Variants in PSG3 observed in about 807,000 individuals in gnomAD.
PSG3 encodes pregnancy specific beta-1-glycoprotein 3, also known as pregnancy-specific beta-1-glycoprotein 3.
PSG3 carries 61 observed loss-of-function variants against 47.5 expected under a neutral mutation model. That is an observed-to-expected ratio of 1.28 (90% CI 1.05 to 1.59). PSG3 has a LOEUF of 1.59. Among genes scored for constraint, PSG3 ranks in the 40% most tolerant of loss-of-function variants. The pLI is 0.00. For synonymous variants in PSG3, 263 were observed against 198.4 expected (o/e 1.33, Z -2.74); for missense variants, 756 against 524.0 (o/e 1.44, Z -4.32).
rs1969336886 is a variant in PSG3 at position 42,724,041 on chromosome 19, A to C, written c.1244-16T>G. ...CCTGAAGGAGCTGTCATGGAAAAAA[A>C]AGAAAAGAAGGAATGAAGATGATGT... On this transcript the variant is annotated splice_polypyrimidine_tract_variant and intron_variant, in intron 5 of 6. Transcript: ENST00000327495. 1 of 1,606,478 alleles carries C rather than the reference A, an allele frequency of 6.2e-7. No individual in the cohort carries two copies. The highest frequency in any genetic ancestry group is 1.1e-5 in the South Asian group (1 of 90,896).
In PSG3 at chr19:42,736,582, T is replaced by C. The variant is rs375056800; in HGVS notation, c.430+2142A>G. 1.1e-4 allele frequency among the ~76,000 whole-genome samples: 17 copies of C among 151,404 alleles called. No homozygotes were observed. The South Asian group carries it at 1.9e-3, about 17-fold the overall frequency. Reference sequence around the variant, plus strand: ...GCAGACTTGGAGTCATTAAAATCTTTCTTTACTACAAACCACCATTTCAAT... The same window carrying C: ...GCAGACTTGGAGTCATTAAAATCTTCCTTTACTACAAACCACCATTTCAAT... On this transcript the variant is annotated intron_variant, in intron 2 of 6. Transcript: ENST00000327495.
chr19:42,722,132 T>C (rs1969308909), intron 6 of PSG3, 42 bp from the exon 7 acceptor site: 2 of 408,128 alleles, frequency 4.9e-6, no homozygotes, highest in African/African-American at 4.1e-5. Flanking sequence ...GTTAAAAATC[T>C]AATGAGAATT....
At chr19:42,734,725 C>T (rs1004774269) in intron 2 of PSG3, among the ~76,000 whole-genome samples, 4 of 152,070 alleles carry the variant, frequency 2.6e-5, no homozygotes, top group Non-Finnish European at 5.9e-5. Flanking sequence ...GAGAGAGTCC[C>T]GTTAAAAGGA....
rs188632497 is a variant in PSG3, at chr19:42,725,237, C to A, written c.1244-1212G>T. 2.6e-5 allele frequency among the ~76,000 whole-genome samples: 4 copies of A among 152,244 alleles called. No homozygotes were observed. The East Asian group carries it at 7.7e-4, about 29-fold the overall frequency. On this transcript the variant is annotated intron_variant, in intron 5 of 6. Coordinates refer to ENST00000327495, the MANE Select transcript of PSG3 (RefSeq NM_021016.4). ...AAGAAAGCACTCTTATTGCAGTTTT[C>A]AGGTGAGGTATCAGAGGTTCAGAGA...
Position 42,729,161 on chromosome 19 carries a change from C to T in PSG3, c.1205G>A (p.Gly402Asp). Residue 402 changes from glycine (G) to aspartate (D), a missense_variant, in exon 5 of 7, where the codon GGC becomes GAC. Coordinates refer to ENST00000327495, the MANE Select transcript of PSG3 (RefSeq NM_021016.4). ...YACSVRNSAT[G>D]MESSKSMTVK... ...TGTCATGGATTTGGAGCTTTCCATG[C>T]CAGTGGCTGAGTTACGAACAGAGCA... The T allele has an allele frequency of 2.5e-6, 4 of 1,613,972 alleles. No homozygotes were observed. The highest frequency in any genetic ancestry group is 2.5e-6 in the Non-Finnish European group (3 of 1,179,868).
At chr19:42,733,161 C>A (rs1424952510) in intron 2 of PSG3, 99 bp from the exon 3 acceptor site, 8 of 1,531,742 alleles carry the variant, frequency 5.2e-6, no homozygotes, top group African/African-American at 1.4e-5. Context: ...TCTCAGCCCA[C>A]CCAAGTCCTT....
intron 5 of PSG3, among the ~76,000 whole-genome samples, chr19:42,728,342 T>C (rs374135223): frequency 2.5e-4 from 38 of 152,334 alleles, no homozygotes; most frequent in East Asian, 1.5e-3. Flanking sequence ...TGCAGAGCCC[T>C]AGGGGTGAAT....
At position 42,730,032 on chromosome 19, in the gene PSG3, G is replaced by A. The variant is rs967933732; in HGVS notation, c.734C>T (p.Thr245Ile). The A allele has an allele frequency of 1.2e-6, 2 of 1,612,522 alleles. No individual in the cohort carries two copies. Among genetic ancestry groups the A allele is most frequent in the African/African-American group, 2.7e-5 (2 of 74,866 alleles). Residue 245 changes from threonine to isoleucine, a missense_variant, in exon 4 of 7, where the codon ACC becomes ATC. Physicochemically the swap from Thr to Ile is moderately conservative, Grantham distance 89. Coordinates refer to ENST00000327495, the MANE Select transcript of PSG3 (RefSeq NM_021016.4). ...CTCCCTGGGGTTTAAGTTGTTGATG[G>A]TGATGTAGGGCTTGGGCAGCTTCGC... ...LLPKLPKPYI[T>I]INNLNPRENK...
intron 2 of PSG3, among the ~76,000 whole-genome samples, chr19:42,735,024 C>A (rs1969539718): frequency 6.6e-6 from 1 of 152,206 alleles, no homozygotes; most frequent in Non-Finnish European, 1.5e-5. Flanking sequence ...ATGAAAACGG[C>A]ATCATCATGA....
intron 2 of PSG3, among the ~76,000 whole-genome samples, chr19:42,734,466 T>G (rs755127286): frequency 2.0e-4 from 31 of 152,260 alleles, no homozygotes; most frequent in African/African-American, 4.8e-4. Context: ...CCCATAAAAA[T>G]TTGTCAGGAG....
intron 5 of PSG3, among the ~76,000 whole-genome samples, chr19:42,724,925 G>A (rs1969352465): frequency 6.6e-6 from 1 of 151,918 alleles, no homozygotes; most frequent in Admixed American, 6.6e-5. Context: ...CACTTCCTAT[G>A]TGCCAGGCCC....
Position 42,732,942 on chromosome 19 carries a change from C to A in PSG3, c.551G>T (p.Gly184Val), listed in dbSNP as rs1234968129. 1.2e-6 allele frequency: 2 copies of A among 1,614,104 alleles called. No homozygotes were observed. The highest frequency in any genetic ancestry group is 2.2e-5 in the South Asian group (2 of 91,064). ...GCTGTGAGTCATAGGGAGGCTCTGACCATTCATCCACCACAGGTAGCTTGC... is the reference window on the plus strand; with the variant it reads ...GCTGTGAGTCATAGGGAGGCTCTGAACATTCATCCACCACAGGTAGCTTGC... ...PDASYLWWMN[G>V]QSLPMTHSLQ... Residue 184 changes from glycine (G) to valine (V), a missense_variant, in exon 3 of 7, where the codon GGT becomes GTT. Physicochemically the swap from Gly to Val is moderately radical, Grantham distance 109. Coordinates refer to ENST00000327495, the MANE Select transcript of PSG3 (RefSeq NM_021016.4).
At chr19:42,722,251 T>TA (rs750438534) in intron 6 of PSG3, among the ~76,000 whole-genome samples, 161 bp from the exon 7 acceptor site, 44 of 152,192 alleles carry the variant, frequency 2.9e-4, no homozygotes, top group Admixed American at 1.3e-4. Context: ...GAATACTCAT[T>TA]AAAAAAATTT....
intron 2 of PSG3, among the ~76,000 whole-genome samples, chr19:42,734,492 C>T (rs1969529107): frequency 6.6e-6 from 1 of 152,146 alleles, no homozygotes; most frequent in Admixed American, 6.5e-5. Context: ...ACCTTATGTT[C>T]TGACTCTAGT....
At chr19:42,735,544 T>A (rs915716297) in intron 2 of PSG3, among the ~76,000 whole-genome samples, 2 of 152,074 alleles carry the variant, frequency 1.3e-5, no homozygotes, top group Non-Finnish European at 2.9e-5. Context: ...TTTTTTGTAT[T>A]TTTAGTAGAG....
rs749819900 is a variant in PSG3 at position 42,721,882 on chromosome 19, G to A, written c.*249C>T. 5.8e-5 allele frequency: 24 copies of A among 414,742 alleles called. No homozygotes were observed. The highest frequency in any genetic ancestry group is 4.9e-4 in the African/African-American group (24 of 48,666). The allele number at this position is 414,742 out of a possible 1,614,324, so 25.7% of individuals were successfully genotyped here. ...TTTGACTATTTAGTCCAATAAAATT[G>A]GGTTTTTTTCTTTGTCTTGAATTTC... On this transcript the variant is annotated 3_prime_UTR_variant, in exon 7 of 7. Coordinates refer to ENST00000327495, the MANE Select transcript of PSG3 (RefSeq NM_021016.4).
In PSG3 at chr19:42,729,881, G is replaced by C. The variant is rs200360324; in HGVS notation, c.885C>G (p.Leu295=). ...CATTTCTCGTGACACTGGGTAGAAT[G>C]AGGATCCTGTTTTCAATGGGTCGCT... ...RVKRPIENRI[L]ILPSVTRNET... The change falls in exon 4 of 7, where the codon CTC becomes CTG. Residue 295 remains leucine, a synonymous_variant. Transcript: ENST00000327495. 22 of 1,612,562 alleles carry C rather than the reference G, an allele frequency of 1.4e-5. No homozygotes were observed. Among genetic ancestry groups the C allele is most frequent in the Non-Finnish European group, 1.9e-5 (22 of 1,179,836 alleles).
At chr19:42,728,148 C>G (rs183904480) in intron 5 of PSG3, among the ~76,000 whole-genome samples, 84 of 152,158 alleles carry the variant, frequency 5.5e-4, no homozygotes, top group East Asian at 2.3e-3. Context: ...TGTTTATTGG[C>G]TACAGAGGTT....
intron 6 of PSG3, among the ~76,000 whole-genome samples, 167 bp downstream of exon 6, chr19:42,723,775 C>T (rs1969332191): frequency 6.6e-6 from 1 of 151,530 alleles, no homozygotes; most frequent in Non-Finnish European, 1.5e-5. Flanking sequence ...GTACAGGGAG[C>T]ATAAAGGCCA....
Sources: allele counts gnomAD v4.1 joint callset (sites outside exome capture counted in the v4.1 genomes callset), GRCh38; gene constraint gnomAD v4.1.1; transcripts MANE v1.5; gene names NCBI Gene and HGNC (gene_info 2026-07-23, HGNC 2026-07-21).